Variants in SLC12A3 observed in about 807,000 individuals in gnomAD.
The protein encoded by SLC12A3 is solute carrier family 12 member 3, also known as Na-Cl cotransporter.
Under a neutral mutation model 121.0 loss-of-function variants are expected in SLC12A3, and 104 were observed. That is an observed-to-expected ratio of 0.86 (90% CI 0.73 to 1.01). The LOEUF (loss-of-function observed/expected upper bound fraction) is 1.01, where lower values mean the gene tolerates loss of function less well. Among genes scored for constraint, SLC12A3 ranks in the 50% least tolerant of loss-of-function variants. The pLI is 0.00. For synonymous variants in SLC12A3, 536 were observed against 533.4 expected, an observed-to-expected ratio of 1.00 and a Z score of -0.07; for missense variants, 1,328 against 1,356.3, an observed-to-expected ratio of 0.98 and a Z score of 0.33.
chr16:56,889,374 C>T (rs1312651789), intron 18 of SLC12A3, among the ~76,000 whole-genome samples: 5 of 152,248 alleles, frequency 3.3e-5, no homozygotes, highest in Non-Finnish European at 5.9e-5. Flanking sequence ...CAGTGCGCAG[C>T]CCATTGGCCC....
chr16:56,904,537 A>G (rs2055582040), intron 25 of SLC12A3, 75 bp downstream of exon 25: 1 of 1,426,218 alleles, frequency 7.0e-7, no homozygotes, highest in Non-Finnish European at 9.9e-7. Flanking sequence ...GGGGCTCAGC[A>G]GGGGCACCAC....
At chr16:56,909,173 T>G (rs1415772108) in intron 25 of SLC12A3, among the ~76,000 whole-genome samples, 1 of 152,002 alleles carries the variant, frequency 6.6e-6, no homozygotes, top group Non-Finnish European at 1.5e-5. Flanking sequence ...TTAAAATGAG[T>G]CTCAGCTGGG....
At chr16:56,902,095 G>A (rs2055545964) in intron 23 of SLC12A3, 1 of 472,236 alleles carries the variant, frequency 2.1e-6, no homozygotes, top group East Asian at 4.2e-5. Flanking sequence ...GTGTAGCACA[G>A]AGCCTGGTAC....
At chr16:56,886,004 G>A (rs918289336) in intron 15 of SLC12A3, among the ~76,000 whole-genome samples, 8 of 152,158 alleles carry the variant, frequency 5.3e-5, no homozygotes, top group African/African-American at 1.2e-4. Flanking sequence ...ACCTCTCGAC[G>A]CAGAGGCTGA....
chr16:56,866,371 G>T (rs1444105362), intron 1 of SLC12A3, among the ~76,000 whole-genome samples: 2 of 152,180 alleles, frequency 1.3e-5, no homozygotes, highest in Non-Finnish European at 2.9e-5. Flanking sequence ...CATGGCCCTT[G>T]GCTCCATACT....
chr16:56,884,318 C>G lies in SLC12A3; in HGVS notation c.1825+114C>G. On this transcript the variant is annotated intron_variant, in intron 14 of 25. Coordinates refer to ENST00000563236, the MANE Select transcript of SLC12A3 (RefSeq NM_001126108.2). The stretch of plus-strand genomic sequence containing the variant: ...GAGTCCGGCTCTGTGCTGTCCAGGG[C>G]CCCTCTCTGCCCCTCCCCTTTATCC... 5.0e-6 allele frequency: 5 copies of G among 998,830 alleles called. No homozygotes were observed. The South Asian group carries it at 6.8e-5, about 14-fold the overall frequency. The allele number at this position is 998,830 out of a possible 1,614,324, so 61.9% of individuals were successfully genotyped here.
In SLC12A3 at chr16:56,868,282, C is replaced by T; in HGVS notation, c.430-15C>T. The T allele has an allele frequency of 6.2e-7, 1 of 1,613,622 alleles. No homozygotes were observed. The highest frequency in any genetic ancestry group is 1.1e-5 in the South Asian group (1 of 90,864). The stretch of plus-strand genomic sequence containing the variant: ...GTGTCCACCCAGGTGGCCTCTGACC[C>T]CCCTGTCCTCCCAGATTCGTTGCAT... On this transcript the variant is annotated splice_polypyrimidine_tract_variant and intron_variant, in intron 2 of 25. Transcript: ENST00000563236.
Position 56,883,518 on chromosome 16 carries a change from G to A in SLC12A3, c.1670-531G>A, listed in dbSNP as rs540503635. Among the ~76,000 whole-genome samples, 4 of 152,110 alleles carry A rather than the reference G, an allele frequency of 2.6e-5. No individual in the cohort carries two copies. In the South Asian group the frequency reaches 8.3e-4, roughly 32 times the overall value. On this transcript the variant is annotated intron_variant, in intron 13 of 25. Coordinates refer to ENST00000563236, the MANE Select transcript of SLC12A3 (RefSeq NM_001126108.2). Reference sequence around the variant, plus strand: ...GATGGTCTCGATCTCCTGACCTCATGATCCGCCCGCCTCAGCCTCCCAAAG... The same window carrying A: ...GATGGTCTCGATCTCCTGACCTCATAATCCGCCCGCCTCAGCCTCCCAAAG...
chr16:56,899,726 C>T (rs908854601), intron 23 of SLC12A3, 110 bp downstream of exon 23: 1 of 806,988 alleles, frequency 1.2e-6, no homozygotes, highest in Non-Finnish European at 2.2e-6. Flanking sequence ...GGTCTCTCCT[C>T]CAAGCCCTTC....
intron 25 of SLC12A3, among the ~76,000 whole-genome samples, chr16:56,911,798 G>T (rs898886579): frequency 6.6e-6 from 1 of 152,230 alleles, no homozygotes; most frequent in East Asian, 1.9e-4. Flanking sequence ...TCGAATTCCA[G>T]CTTTGCCGCC....
rs761901177 is a variant in SLC12A3, at chr16:56,884,222, G to A, written c.1825+18G>A. 1.9e-5 allele frequency: 30 copies of A among 1,613,394 alleles called. No individual in the cohort carries two copies. Among genetic ancestry groups the A allele is most frequent in the Non-Finnish European group, 2.3e-5 (27 of 1,179,824 alleles). On this transcript the variant is annotated intron_variant, in intron 14 of 25. Transcript: ENST00000563236. ...GAAGCCAGGTGCGCATCTCAGCTGC[G>A]GGGCCTCGGCCCTCCTCCCCCAGGG...
rs1344999455 is a variant in SLC12A3 at position 56,872,735 on chromosome 16, C to G, written c.1044C>G (p.Phe348Leu). The G allele has an allele frequency of 6.2e-7, 1 of 1,614,260 alleles. No homozygotes were observed. The highest frequency in any genetic ancestry group is 8.5e-7 in the Non-Finnish European group (1 of 1,180,038). Residue 348 changes from phenylalanine (F) to leucine (L), a missense_variant, in exon 8 of 26, where the codon TTC (phenylalanine) becomes TTG (leucine). Physicochemically the swap from Phe to Leu is conservative, Grantham distance 22. Coordinates refer to ENST00000563236, the MANE Select transcript of SLC12A3 (RefSeq NM_001126108.2). ...GTFFGMFSIF[F>L]PSATGILAGA... ...TCTTCGGAATGTTCTCCATCTTCTT[C>G]CCCTCGGCCACAGGCATCCTGGCAG...
chr16:56,887,866 G>A, intron 17 of SLC12A3, 59 bp from the exon 18 acceptor site: 4 of 1,223,504 alleles, frequency 3.3e-6, no homozygotes, highest in Middle Eastern at 2.4e-4. Context: ...CTCTGGCCAG[G>A]TGGATCACCA....
chr16:56,904,943 C>T (rs2055587013), intron 25 of SLC12A3: 1 of 267,018 alleles, frequency 3.7e-6, no homozygotes, highest in Non-Finnish European at 7.4e-6. Context: ...TGAGCCACCC[C>T]TGGGTGTATT....
At chr16:56,875,895 C>T (rs139017113) in intron 8 of SLC12A3, among the ~76,000 whole-genome samples, 185 of 151,794 alleles carry the variant, frequency 1.2e-3, no homozygotes, top group African/African-American at 4.0e-3. Context: ...CCAGCACATC[C>T]AGAGGCTGAG....
chr16:56,887,079 C>T lies in SLC12A3; in HGVS notation c.2164C>T (p.Gln722Ter). The change falls in exon 17 of 26, where the codon CAG becomes TAG. Residue 722 changes from glutamine (Q) to a stop codon, truncating the protein, a stop_gained. Transcript: ENST00000563236. LOFTEE classifies it high-confidence loss of function. The part of the protein sequence containing the change: ...VIAEDLRRGV[Q>*]ILMQAAGLGR... ...TGCCGAGGACCTCCGCAGAGGCGTC[C>T]AGATCCTCATGCAGGTGCCATGGAC... 6.2e-7 allele frequency: 1 copy of T among 1,613,978 alleles called. No individual in the cohort carries two copies.
intron 9 of SLC12A3, among the ~76,000 whole-genome samples, chr16:56,878,463 G>GTGATGA (rs34584723): frequency 2.6e-5 from 4 of 151,630 alleles, no homozygotes; most frequent in Admixed American, 2.0e-4. Flanking sequence ...AAATCTAGGA[G>GTGATGA]TGATGATGAT....
intron 9 of SLC12A3, among the ~76,000 whole-genome samples, chr16:56,878,429 A>T (rs2055194204): frequency 6.6e-6 from 1 of 152,028 alleles, no homozygotes; most frequent in Non-Finnish European, 1.5e-5. Context: ...GCCCAGATTC[A>T]TGAGTGTGAA....
In SLC12A3 at chr16:56,886,388, GC is replaced by G. The variant is rs2055311088; in HGVS notation, c.1956del (p.Asn653ThrfsTer19). On this transcript the variant is annotated frameshift_variant, in exon 16 of 26. Transcript: ENST00000563236. LOFTEE classifies it high-confidence loss of function. ...GCCCCCAGTGCCTGGTGCTCACGGG[GC>G]CCCCCAACTTCCGCCCGGCCCTGGT... is the stretch of plus-strand genomic sequence containing the variant. ...YRPQCLVLTG[P>X]PNFRPALVDF... 18 of 1,613,962 alleles carry G rather than the reference GC, an allele frequency of 1.1e-5. No individual in the cohort carries two copies. Among genetic ancestry groups the G allele is most frequent in the Non-Finnish European group, 1.4e-5 (17 of 1,180,000 alleles).
Sources: gnomAD v4.1 joint callset for allele counts (sites outside exome capture counted in the v4.1 genomes callset) on GRCh38, gnomAD v4.1.1 for gene constraint, MANE v1.5 for transcripts, NCBI Gene and HGNC (gene_info 2026-07-23, HGNC 2026-07-21) for gene names.